The following CSGALNACT1 variants were observed in gnomAD, a reference collection of about 807,000 sequenced individuals.
CSGALNACT1 encodes the protein chondroitin sulfate N-acetylgalactosaminyltransferase 1.
A neutral mutation model predicts 51.0 loss-of-function variants in CSGALNACT1; 52 were observed. The ratio of observed to expected loss-of-function variants is 1.02; its 90% CI spans 0.82 to 1.29. The LOEUF (loss-of-function observed/expected upper bound fraction) is 1.29, where lower values mean the gene tolerates loss of function less well. Among genes scored for constraint, CSGALNACT1 ranks in the 50% most tolerant of loss-of-function variants. The pLI, the probability that CSGALNACT1 is intolerant of heterozygous loss-of-function variation, is 0.00. For synonymous variants in CSGALNACT1, 341 were observed against 254.4 expected, an observed-to-expected ratio of 1.34 and a Z score of -3.24; for missense variants, 935 against 679.2, an observed-to-expected ratio of 1.38 and a Z score of -4.19.
At chr8:19,730,644 C>T (rs1350565171) in intron 1 of CSGALNACT1, among the ~76,000 whole-genome samples, 6 of 152,214 alleles carry the variant, frequency 3.9e-5, no homozygotes, top group Non-Finnish European at 8.8e-5. Context: ...GGGTGATGCC[C>T]ACCTCCCAGG....
intron 3 of CSGALNACT1, among the ~76,000 whole-genome samples, chr8:19,534,523 G>A (rs373344473): frequency 2.0e-5 from 3 of 152,034 alleles, no homozygotes; most frequent in South Asian, 4.2e-4. Flanking sequence ...GACACCCATC[G>A]GCTGCATTGC....
At chr8:19,521,949 T>C (rs1419402045) in intron 3 of CSGALNACT1, among the ~76,000 whole-genome samples, 1 of 152,192 alleles carries the variant, frequency 6.6e-6, no homozygotes, top group Admixed American at 6.5e-5. Flanking sequence ...GTTCTGACGT[T>C]GTAAGTTGCT....
chr8:19,709,277 A>G (rs1347666520), intron 1 of CSGALNACT1, among the ~76,000 whole-genome samples: 2 of 152,232 alleles, frequency 1.3e-5, no homozygotes, highest in Admixed American at 1.3e-4. Flanking sequence ...TCTTGATATC[A>G]GAATTCATTC....
At chr8:19,633,878 T>A (rs979672629) in intron 1 of CSGALNACT1, among the ~76,000 whole-genome samples, 2 of 152,336 alleles carry the variant, frequency 1.3e-5, no homozygotes, top group Non-Finnish European at 2.9e-5. Flanking sequence ...ACTGGTGGCA[T>A]GCAAAGCTCT....
chr8:19,704,262 CA>C (rs1382753635), intron 1 of CSGALNACT1, among the ~76,000 whole-genome samples: 2 of 152,220 alleles, frequency 1.3e-5, no homozygotes, highest in Non-Finnish European at 2.9e-5. Flanking sequence ...ATTTGAATCA[CA>C]GACCCTTCCA....
Position 19,710,805 on chromosome 8 carries a change from C to T in CSGALNACT1, c.-297+47045G>A, listed in dbSNP as rs570005494. On this transcript the variant is annotated intron_variant, in intron 1 of 1. Transcript: ENST00000517494. Reference sequence around the variant, plus strand: ...CTCCTGAAATCATCATAAGCATTTGCGCTCCTGTTATATTTATACATGAAG... The same window carrying T: ...CTCCTGAAATCATCATAAGCATTTGTGCTCCTGTTATATTTATACATGAAG... Among the ~76,000 whole-genome samples, 356 of 152,300 alleles carry T rather than the reference C, an allele frequency of 2.3e-3. 1 individual carries two copies. Among genetic ancestry groups the T allele is most frequent in the African/African-American group, 8.2e-3 (340 of 41,566 alleles).
intron 1 of CSGALNACT1, among the ~76,000 whole-genome samples, chr8:19,701,887 G>T (rs991906327): frequency 1.3e-5 from 2 of 152,058 alleles, no homozygotes; most frequent in African/African-American, 4.8e-5. Context: ...AATATACACT[G>T]CACAAATGAA....
In CSGALNACT1 at chr8:19,549,656, C is replaced by CTTTTT. The variant is rs542956513; in HGVS notation, c.-297+41499_-297+41503dup. Among the ~76,000 whole-genome samples, 312 of 83,386 alleles carry CTTTTT rather than the reference C, an allele frequency of 3.7e-3. 12 individuals carry two copies. Among genetic ancestry groups the CTTTTT allele is most frequent in the African/African-American group, 9.9e-3 (214 of 21,638 alleles). 54.7% of individuals were successfully genotyped at this position (83,386 alleles called of 152,430 possible). A position where few individuals can be genotyped will look rare whatever the true frequency, so the allele number is the denominator to read the frequency against. ...TTTCTTCACTTTCCCCAATTTCCTA[C>CTTTTT]TTTTTTTTTTTTTTTTTTTTTTTTG... On this transcript the variant is annotated intron_variant, in intron 3 of 9. Coordinates refer to ENST00000454498, the Ensembl canonical transcript of CSGALNACT1.
intron 1 of CSGALNACT1, among the ~76,000 whole-genome samples, chr8:19,716,612 C>CCAAAAAAAAAAA (rs1414449293): frequency 3.1e-4 from 13 of 41,990 alleles, no homozygotes; most frequent in South Asian, 3.1e-3. Context: ...ACCCTCTCTA[C>CCAAAAAAAAAAA]AAAAAAAAAA....
At chr8:19,616,942 C>T (rs1318513137) in intron 1 of CSGALNACT1, among the ~76,000 whole-genome samples, 2 of 152,206 alleles carry the variant, frequency 1.3e-5, no homozygotes, top group Admixed American at 1.3e-4. Context: ...ATGATTCAAA[C>T]TCATTTCACG....
intron 1 of CSGALNACT1, among the ~76,000 whole-genome samples, chr8:19,673,948 T>C (rs1322317900): frequency 6.6e-6 from 1 of 152,180 alleles, no homozygotes; most frequent in African/African-American, 2.4e-5. Flanking sequence ...GCAGAGAACT[T>C]GTCATCTAAG....
intron 4 of CSGALNACT1, among the ~76,000 whole-genome samples, chr8:19,474,869 G>GAAAA (rs10683237): frequency 0.037 from 3,156 of 86,100 alleles, 208 homozygotes; most frequent in South Asian, 0.053. Flanking sequence ...CTCTGTCTCA[G>GAAAA]AAAAAAAAAA....
At chr8:19,702,857 C>A (rs2061957725) in intron 1 of CSGALNACT1, among the ~76,000 whole-genome samples, 1 of 152,130 alleles carries the variant, frequency 6.6e-6, no homozygotes. Flanking sequence ...AGGGTCTCCC[C>A]TAAAGGGAAT....
At chr8:19,470,498 A>G (rs1329044372) in intron 4 of CSGALNACT1, among the ~76,000 whole-genome samples, 3 of 152,142 alleles carry the variant, frequency 2.0e-5, no homozygotes, top group East Asian at 3.9e-4. Context: ...CAACAGAGGA[A>G]ACAAGACGGT....
At chr8:19,699,918 C>A (rs2061770083) in intron 1 of CSGALNACT1, among the ~76,000 whole-genome samples, 1 of 152,066 alleles carries the variant, frequency 6.6e-6, no homozygotes, top group African/African-American at 2.4e-5. Context: ...TGAGACCAGC[C>A]TGGCCAACAT....
chr8:19,694,293 A>G (rs536855287), intron 1 of CSGALNACT1, among the ~76,000 whole-genome samples: 41 of 152,200 alleles, frequency 2.7e-4, no homozygotes, highest in Non-Finnish European at 3.4e-4. Context: ...AGCTACCCAC[A>G]TAAGTGTAGT....
intron 9 of CSGALNACT1, 51 bp downstream of exon 8, chr8:19,408,562 T>A: frequency 1.1e-5 from 14 of 1,307,560 alleles, no homozygotes; most frequent in Non-Finnish European, 1.5e-5. Flanking sequence ...CTTCAAGGCC[T>A]ACATGGGCCC....
rs973682707 is a variant in CSGALNACT1 at position 19,433,992 on chromosome 8, G to C, written c.953+5838C>G. Among the ~76,000 whole-genome samples the C allele has an allele frequency of 3.3e-5, 5 of 152,134 alleles. No homozygotes were observed. The South Asian group carries it at 8.3e-4, about 25-fold the overall frequency. On this transcript the variant is annotated intron_variant, in intron 6 of 9. Coordinates refer to ENST00000454498, the Ensembl canonical transcript of CSGALNACT1. ...GCTGTTGAATTTCCAGCTTACCAGA[G>C]AGCTGGAGTCAGGGATGGGAATAGA...
intron 3 of CSGALNACT1, among the ~76,000 whole-genome samples, chr8:19,568,172 A>C (rs1197397710): frequency 6.6e-6 from 1 of 152,224 alleles, no homozygotes; most frequent in Non-Finnish European, 1.5e-5. Context: ...AGGTTATTTA[A>C]TCATGCAAAC....
Sources: gnomAD v4.1 joint callset for allele counts (sites outside exome capture counted in the v4.1 genomes callset) on GRCh38, gnomAD v4.1.1 for gene constraint, MANE v1.5 for transcripts, NCBI Gene and HGNC (gene_info 2026-07-23, HGNC 2026-07-21) for gene names.